PPP1R16B: variants seen among roughly 807,000 people sequenced by gnomAD.
PPP1R16B encodes protein phosphatase 1 regulatory subunit 16B.
Under a neutral mutation model 61.7 loss-of-function variants are expected in PPP1R16B, and 14 were observed. That is an observed-to-expected ratio of 0.23 (90% CI 0.15 to 0.35). The LOEUF is 0.35. PPP1R16B is among the 10% of genes least tolerant of loss of function. PPP1R16B has a pLI of 1.00. For missense variants in PPP1R16B, 547 were observed against 752.5 expected (o/e 0.73, Z 3.19); for synonymous variants, 266 against 305.3 (o/e 0.87, Z 1.34).
chr20:38,846,774 C>T (rs554569724), intron 2 of PPP1R16B, among the ~76,000 whole-genome samples: 10 of 152,164 alleles, frequency 6.6e-5, no homozygotes, highest in Non-Finnish European at 1.2e-4. Context: ...GAGGCCAAGG[C>T]GGGAAGATCA....
intron 2 of PPP1R16B, among the ~76,000 whole-genome samples, chr20:38,858,996 G>T (rs963191917): frequency 6.6e-6 from 1 of 152,130 alleles, no homozygotes; most frequent in Non-Finnish European, 1.5e-5. Flanking sequence ...CAGACTTCTT[G>T]GATGATGTCT....
rs138576188 is a variant in PPP1R16B, at chr20:38,870,341, A to G, written c.251-19254A>G. Among the ~76,000 whole-genome samples the G allele has an allele frequency of 2.9e-3, 442 of 152,336 alleles. 1 individual carries two copies. The highest frequency in any genetic ancestry group is 0.01 in the African/African-American group (425 of 41,570). On this transcript the variant is annotated intron_variant, in intron 2 of 10. Coordinates refer to ENST00000299824, the MANE Select transcript of PPP1R16B (RefSeq NM_015568.4). ...TAGGGTTTATAAACTATAGGGGGAA[A>G]CTACAAGTCCACATACACATAACCT... is the stretch of plus-strand genomic sequence containing the variant.
chr20:38,841,149 A>C (rs1376511776), intron 2 of PPP1R16B, among the ~76,000 whole-genome samples: 1 of 151,944 alleles, frequency 6.6e-6, no homozygotes, highest in African/African-American at 2.4e-5. Flanking sequence ...ACATATTATA[A>C]AATTTGCCCA....
rs1434256257 is a variant in PPP1R16B at position 38,826,330 on chromosome 20, T to A, written c.-101-9495T>A. ...AGACAGGCTGTTTGGTTTAGCACCG[T>A]GACTGTGACTGACTAATGCGTTTGT... is the stretch of plus-strand genomic sequence containing the variant. On this transcript the variant is annotated intron_variant, in intron 1 of 10. Transcript: ENST00000299824. Among the ~76,000 whole-genome samples, 8 of 152,360 alleles carry A rather than the reference T, an allele frequency of 5.3e-5. No individual in the cohort carries two copies. The South Asian group carries it at 6.2e-4, about 12-fold the overall frequency.
At chr20:38,831,326 G>T (rs2084835822) in intron 1 of PPP1R16B, among the ~76,000 whole-genome samples, 1 of 152,232 alleles carries the variant, frequency 6.6e-6, no homozygotes, top group African/African-American at 2.4e-5. Flanking sequence ...CCAGTCTGCA[G>T]CCCATTGGAA....
In PPP1R16B at chr20:38,919,001, AAC is replaced by A. The variant is rs35869936; in HGVS notation, c.*353_*354del. The A allele has an allele frequency of 7.0e-3, 1,460 of 209,182 alleles. No homozygotes were observed. Among genetic ancestry groups the A allele is most frequent in the Middle Eastern group, 0.013 (7 of 538 alleles). 13.0% of individuals were successfully genotyped at this position (209,182 alleles called of 1,614,324 possible). A position where few individuals can be genotyped will look rare whatever the true frequency, so the allele number is the denominator to read the frequency against. On this transcript the variant is annotated 3_prime_UTR_variant, in exon 11 of 11. Coordinates refer to ENST00000299824, the MANE Select transcript of PPP1R16B (RefSeq NM_015568.4). ...CGGATCAGTACATGCATGTCACATT[AAC>A]ACACACACACACACACATATACACA...
At chr20:38,885,038 A>AG (rs1400187132) in intron 2 of PPP1R16B, among the ~76,000 whole-genome samples, 1 of 135,022 alleles carries the variant, frequency 7.4e-6, no homozygotes, top group Non-Finnish European at 1.6e-5. Context: ...CTCTGTCTCA[A>AG]AAAAAAAAAA....
chr20:38,875,239 G>A (rs1001787469), intron 2 of PPP1R16B, among the ~76,000 whole-genome samples: 7 of 152,230 alleles, frequency 4.6e-5, no homozygotes, highest in African/African-American at 1.4e-4. Context: ...CAGGAACAGA[G>A]GGTTCCAGAA....
Position 38,905,965 on chromosome 20 carries a change from C to T in PPP1R16B, c.697-4C>T, listed in dbSNP as rs749372055. 8.1e-6 allele frequency: 13 copies of T among 1,612,246 alleles called. No homozygotes were observed. Among genetic ancestry groups the T allele is most frequent in the Non-Finnish European group, 1.1e-5 (13 of 1,179,264 alleles). On this transcript the variant is annotated splice_polypyrimidine_tract_variant and splice_region_variant and intron_variant, in intron 6 of 10. Coordinates refer to ENST00000299824, the MANE Select transcript of PPP1R16B (RefSeq NM_015568.4). Reference sequence around the variant, plus strand: ...GGAATGCTCACTTCTTTCCTCTCCTCCAGCTGCACATAGCTGGAGCCAATG... The same window carrying T: ...GGAATGCTCACTTCTTTCCTCTCCTTCAGCTGCACATAGCTGGAGCCAATG...
intron 2 of PPP1R16B, among the ~76,000 whole-genome samples, chr20:38,837,746 C>T (rs2084882251): frequency 6.6e-6 from 1 of 151,982 alleles, no homozygotes; most frequent in African/African-American, 2.4e-5. Flanking sequence ...TGGGATTTCG[C>T]CATGTTGGCC....
At chr20:38,835,692 AT>A in intron 1 of PPP1R16B, 132 bp from the exon 2 acceptor site, 1 of 540,524 alleles carries the variant, frequency 1.9e-6, no homozygotes, top group Non-Finnish European at 3.2e-6. Flanking sequence ...CACTGTAAGG[AT>A]TTGCACTTCT....
At chr20:38,913,112 C>T (rs533824661) in intron 10 of PPP1R16B, among the ~76,000 whole-genome samples, 41 of 152,092 alleles carry the variant, frequency 2.7e-4, no homozygotes, top group African/African-American at 8.9e-4. Flanking sequence ...CTTAAGTGAT[C>T]CACCTGCCTT....
At chr20:38,889,026 T>C (rs967900165) in intron 2 of PPP1R16B, among the ~76,000 whole-genome samples, 1 of 152,004 alleles carries the variant, frequency 6.6e-6, no homozygotes, top group Non-Finnish European at 1.5e-5. Context: ...TTGACACCCA[T>C]AGGTGAGCCA....
intron 2 of PPP1R16B, among the ~76,000 whole-genome samples, chr20:38,852,768 T>TTTGG (rs1601257219): frequency 1.1e-4 from 7 of 62,332 alleles, no homozygotes; most frequent in Non-Finnish European, 1.8e-4. Context: ...TTTTTTTTTT[T>TTTGG]GCGGGGGGTG....
chr20:38,852,768 T>TTTTTTTG (rs1601257219), intron 2 of PPP1R16B, among the ~76,000 whole-genome samples: 1 of 62,336 alleles, frequency 1.6e-5, no homozygotes. Context: ...TTTTTTTTTT[T>TTTTTTTG]GCGGGGGGTG....
rs115619067 is a variant in PPP1R16B at position 38,859,851 on chromosome 20, A to G, written c.250+23676A>G. 4.3e-3 allele frequency among the ~76,000 whole-genome samples: 651 copies of G among 152,320 alleles called. 2 individuals carry two copies. The highest frequency in any genetic ancestry group is 0.015 in the African/African-American group (617 of 41,552). On this transcript the variant is annotated intron_variant, in intron 2 of 10. Transcript: ENST00000299824. ...AAAGGTAAAAAAATAAACAGTTGAA[A>G]TTAATTTTAATAATATATTTTATTT...
Position 38,918,492 on chromosome 20 carries a change from C to T in PPP1R16B, c.1530C>T (p.Gly510=), listed in dbSNP as rs926149912. 1.3e-5 allele frequency: 21 copies of T among 1,610,204 alleles called. No homozygotes were observed. Among genetic ancestry groups the T allele is most frequent in the African/African-American group, 2.7e-5 (2 of 74,840 alleles). ...THLGSSMART[G]ESSSEGKAPL... The stretch of plus-strand genomic sequence containing the variant: ...TGGGCAGCAGCATGGCCAGGACGGG[C>T]GAGAGTAGCAGTGAAGGCAAGGCCC... Residue 510 remains glycine, a synonymous_variant, in exon 11 of 11, where the codon GGC becomes GGT. Transcript: ENST00000299824. This position sits in a 1 kb window ranked among gnomAD's most constrained non-coding sequence, Gnocchi z 5.3.
In PPP1R16B at chr20:38,919,913, T is replaced by A. The variant is rs938561153; in HGVS notation, c.*1247T>A. 3.9e-5 allele frequency: 6 copies of A among 152,382 alleles called. No homozygotes were observed. The highest frequency in any genetic ancestry group is 6.5e-5 in the Admixed American group (1 of 15,286). 9.4% of individuals were successfully genotyped at this position (152,382 alleles called of 1,614,324 possible). On this transcript the variant is annotated 3_prime_UTR_variant, in exon 11 of 11. Coordinates refer to ENST00000299824, the MANE Select transcript of PPP1R16B (RefSeq NM_015568.4). Reference sequence around the variant, plus strand: ...TGCTCGGGATCCCGGGCCCAGCTTTTGCCTTTTTGGGGATGCTTGGTGAGA... The same window carrying A: ...TGCTCGGGATCCCGGGCCCAGCTTTAGCCTTTTTGGGGATGCTTGGTGAGA...
chr20:38,887,589 T>G (rs902072778), intron 2 of PPP1R16B, among the ~76,000 whole-genome samples: 11 of 152,216 alleles, frequency 7.2e-5, no homozygotes, highest in Non-Finnish European at 1.3e-4. Flanking sequence ...TTCTACACTT[T>G]CCAATATGGT....
Sources: gnomAD v4.1 joint callset for allele counts (sites outside exome capture counted in the v4.1 genomes callset) on GRCh38, gnomAD v4.1.1 for gene constraint, Gnocchi (gnomAD v3.1) non-coding constraint, MANE v1.5 for transcripts, NCBI Gene and HGNC (gene_info 2026-07-23, HGNC 2026-07-21) for gene names.